Variants in FBXL2 observed in about 807,000 individuals in gnomAD.
FBXL2 encodes the protein F-box/LRR-repeat protein 2.
Under a neutral mutation model 69.2 loss-of-function variants are expected in FBXL2, and 38 were observed. The ratio of observed to expected loss-of-function variants is 0.55; its 90% CI spans 0.42 to 0.72. The LOEUF is 0.72. FBXL2 is among the 30% of genes least tolerant of loss of function. FBXL2 has a pLI of 0.00. For missense variants in FBXL2, 354 were observed against 520.3 expected, an observed-to-expected ratio of 0.68 and a Z score of 3.11; for synonymous variants, 192 against 201.3, an observed-to-expected ratio of 0.95 and a Z score of 0.39.
At chr3:33,325,920 T>C (rs896816844) in intron 2 of FBXL2, among the ~76,000 whole-genome samples, 9 of 152,204 alleles carry the variant, frequency 5.9e-5, no homozygotes, top group African/African-American at 1.9e-4. Flanking sequence ...TTAATTTAGC[T>C]CTAACTTCCC....
chr3:33,318,605 C>T (rs184706769), intron 2 of FBXL2, among the ~76,000 whole-genome samples: 1 of 152,244 alleles, frequency 6.6e-6, no homozygotes, highest in East Asian at 1.9e-4. Context: ...TAGATGGACA[C>T]ACTAGACAGA....
At chr3:33,374,408 T>G (rs983619942) in intron 9 of FBXL2, among the ~76,000 whole-genome samples, 1 of 152,240 alleles carries the variant, frequency 6.6e-6, no homozygotes, top group Non-Finnish European at 1.5e-5. Flanking sequence ...AAACTATTGG[T>G]CCTTCTCCAC....
downstream of FBXL2, among the ~76,000 whole-genome samples, chr3:33,403,892 A>T (rs1283602852): frequency 2.0e-5 from 3 of 152,172 alleles, no homozygotes; most frequent in Non-Finnish European, 4.4e-5. Flanking sequence ...CCCTTTCATA[A>T]TCATCCTTCT....
downstream of FBXL2, chr3:33,392,252 G>C (rs1292399826): frequency 1.2e-5 from 3 of 246,660 alleles, no homozygotes; most frequent in Admixed American, 5.6e-5. Flanking sequence ...TCCCCAATAG[G>C]AGTTTCATGG....
chr3:33,391,828 A>C (rs2043775961), downstream of FBXL2: 1 of 152,242 alleles, frequency 6.6e-6, no homozygotes, highest in African/African-American at 2.4e-5. Flanking sequence ...TCCTTTGTTT[A>C]AACAACTTCA....
chr3:33,381,796 C>T (rs1170071668), intron 13 of FBXL2, among the ~76,000 whole-genome samples: 1 of 151,996 alleles, frequency 6.6e-6, no homozygotes, highest in Non-Finnish European at 1.5e-5. Context: ...ACTCTTAATT[C>T]TAAAAGCTAA....
chr3:33,373,543 G>T, intron 7 of FBXL2, 35 bp from the exon 8 acceptor site: 2 of 1,613,970 alleles, frequency 1.2e-6, no homozygotes, highest in South Asian at 2.2e-5. Context: ...CTACAGGAGA[G>T]ACTGCACATA....
intron 2 of FBXL2, among the ~76,000 whole-genome samples, chr3:33,328,322 G>T (rs2038871153): frequency 6.6e-6 from 1 of 152,012 alleles, no homozygotes; most frequent in Non-Finnish European, 1.5e-5. Flanking sequence ...AAATATCAAT[G>T]ATATTCTTTA....
chr3:33,364,528 A>G (rs2041830070), intron 4 of FBXL2, 97 bp from the exon 5 acceptor site: 4 of 1,090,196 alleles, frequency 3.7e-6, no homozygotes, highest in Non-Finnish European at 5.6e-6. Context: ...TTACACTTGG[A>G]AAAATATATT....
intron 4 of FBXL2, among the ~76,000 whole-genome samples, chr3:33,361,517 A>G (rs925684146): frequency 6.6e-6 from 1 of 152,130 alleles, no homozygotes; most frequent in Non-Finnish European, 1.5e-5. Context: ...TCTCAAAAAA[A>G]AAATTATTTT....
chr3:33,364,048 A>T (rs780725344), intron 4 of FBXL2, among the ~76,000 whole-genome samples: 1 of 152,194 alleles, frequency 6.6e-6, no homozygotes. Flanking sequence ...ATCATTGTTC[A>T]TTGTTCATTT....
At chr3:33,284,172 C>G (rs1056514424) in intron 1 of FBXL2, among the ~76,000 whole-genome samples, 8 of 152,186 alleles carry the variant, frequency 5.3e-5, no homozygotes, top group African/African-American at 1.9e-4. Context: ...TTTCTGCTTT[C>G]TCTTGTGGGC....
chr3:33,317,556 C>T (rs771780859), intron 2 of FBXL2: 86 of 455,696 alleles, frequency 1.9e-4, no homozygotes, highest in Non-Finnish European at 2.2e-5. Flanking sequence ...TGTTTTGTAG[C>T]AATGATGAGA....
chr3:33,416,909 T>C, the FBXL2 span: 2 of 1,268,022 alleles, frequency 1.6e-6, no homozygotes, highest in East Asian at 2.4e-5. Flanking sequence ...TCAAAATGCA[T>C]GTTTCTCAGA....
chr3:33,391,650 G>A (rs539145996), downstream of FBXL2: 2 of 152,258 alleles, frequency 1.3e-5, no homozygotes, highest in Admixed American at 1.3e-4. Flanking sequence ...CAGAAAATAA[G>A]GTGTCAGAAC....
intron 2 of FBXL2, chr3:33,317,665 G>T: frequency 2.8e-6 from 1 of 354,820 alleles, no homozygotes; most frequent in South Asian, 2.2e-5. Context: ...ACTGGAGGGG[G>T]CTCCCTTACC....
intron 10 of FBXL2, among the ~76,000 whole-genome samples, chr3:33,376,253 A>G (rs2042634044): frequency 6.6e-6 from 1 of 152,244 alleles, no homozygotes; most frequent in Admixed American, 6.5e-5. Context: ...AACAATGGTA[A>G]CAATAGTTGA....
the FBXL2 span, among the ~76,000 whole-genome samples, chr3:33,413,546 C>CAAA: frequency 2.9e-4 from 16 of 55,370 alleles, no homozygotes; most frequent in Middle Eastern, 9.6e-3. Context: ...GACTCCATCA[C>CAAA]AAAAAAAAAA....
At chr3:33,359,109 A>G (rs977750113) in intron 3 of FBXL2, 88 bp downstream of exon 3, 1 of 960,604 alleles carries the variant, frequency 1.0e-6, no homozygotes, top group South Asian at 2.1e-5. Context: ...TTAAAATTTT[A>G]TTATCTTTTA....
Sources: gnomAD v4.1 joint callset for allele counts (sites outside exome capture counted in the v4.1 genomes callset) on GRCh38, gnomAD v4.1.1 for gene constraint, MANE v1.5 for transcripts, NCBI Gene and HGNC (gene_info 2026-07-23, HGNC 2026-07-21) for gene names.